ZNF600: variants seen among roughly 807,000 people sequenced by gnomAD.
ZNF600 encodes the protein zinc finger protein KR-ZNF1.
Under a neutral mutation model 7.3 loss-of-function variants are expected in ZNF600, and 4 were observed. The observed-to-expected ratio is 0.55, with a 90% confidence interval of 0.27 to 1.25. ZNF600 has a LOEUF of 1.25. Ranked by LOEUF, ZNF600 falls within the 50% of genes most tolerant of loss-of-function variation. The pLI is 0.12. For synonymous variants in ZNF600, 290 were observed against 308.9 expected (o/e 0.94, Z 0.64); for missense variants, 911 against 922.1 (o/e 0.99, Z 0.16).
the ZNF600 span, chr19:52,809,941 C>A: frequency 1.2e-6 from 1 of 854,580 alleles, no homozygotes; most frequent in Non-Finnish European, 1.9e-6. Context: ...GGGGAGGTTG[C>A]CCCGGGGGGC....
chr19:52,816,876 G>A, the ZNF600 span, among the ~76,000 whole-genome samples: 11 of 111,906 alleles, frequency 9.8e-5, no homozygotes, highest in East Asian at 2.5e-4. Flanking sequence ...ATAATAAAAC[G>A]TGGAATGAGA....
chr19:52,770,959 G>A lies in ZNF600; in HGVS notation c.191-3187C>T, dbSNP rs371438749. Among the ~76,000 whole-genome samples, 6 of 152,118 alleles carry A rather than the reference G, an allele frequency of 3.9e-5. No homozygotes were observed. In the South Asian group the frequency reaches 8.3e-4, roughly 21 times the overall value. On this transcript the variant is annotated intron_variant, in intron 3 of 3. Coordinates refer to ENST00000648973, the Ensembl canonical transcript of ZNF600. ...AGCGATTCTCCTGCCTCAGCCACCC[G>A]AGTAGCTGGGATTACAGGCATGTGC...
chr19:52,799,019 T>C, the ZNF600 span: 2 of 747,054 alleles, frequency 2.7e-6, no homozygotes, highest in Middle Eastern at 5.5e-4. Flanking sequence ...CTTACATTTG[T>C]ATGTTTTTTC....
intron 1 of ZNF600, among the ~76,000 whole-genome samples, chr19:52,779,363 T>TA: frequency 6.6e-6 from 1 of 152,326 alleles, no homozygotes; most frequent in African/African-American, 2.4e-5. Flanking sequence ...GAATCCCTGC[T>TA]AAAGCAGCAC....
At chr19:52,782,394 G>A (rs776788405) in intron 1 of ZNF600, among the ~76,000 whole-genome samples, 59 of 150,226 alleles carry the variant, frequency 3.9e-4, no homozygotes, top group Admixed American at 8.0e-4. Context: ...ATGGTGGTGC[G>A]TGCCTGTAAT....
At chr19:52,787,023 A>T (rs1038064415), upstream of ZNF600, among the ~76,000 whole-genome samples, 8 of 152,256 alleles carry the variant, frequency 5.3e-5, no homozygotes, top group Admixed American at 4.6e-4. Flanking sequence ...TGCAAACTAG[A>T]ATGTGAAATG....
At chr19:52,783,462 T>C (rs1053860780) in intron 1 of ZNF600, among the ~76,000 whole-genome samples, 9 of 151,222 alleles carry the variant, frequency 6.0e-5, no homozygotes, top group Non-Finnish European at 8.9e-5. Context: ...CCCGGGTTCA[T>C]GTCATTCTCC....
At chr19:52,785,148 A>G (rs907732498) in intron 1 of ZNF600, among the ~76,000 whole-genome samples, 3 of 149,454 alleles carry the variant, frequency 2.0e-5, no homozygotes, top group South Asian at 2.1e-4. Context: ...TGTGCTCCTC[A>G]TTTTGTACCC....
At chr19:52,781,224 AC>A (rs527938894) in intron 1 of ZNF600, 92 bp downstream of exon 2, 68 of 150,842 alleles carry the variant, frequency 4.5e-4, no homozygotes, top group African/African-American at 1.5e-3. Flanking sequence ...ACTGAGCACT[AC>A]CCTCTCCCAG....
At chr19:52,832,761 TTC>T in the ZNF600 span, among the ~76,000 whole-genome samples, 52 of 151,852 alleles carry the variant, frequency 3.4e-4, no homozygotes, top group Non-Finnish European at 2.1e-4. Context: ...GAGCGACATT[TTC>T]TCTCTCTCTC....
the ZNF600 span, among the ~76,000 whole-genome samples, chr19:52,819,333 A>G: frequency 1.4e-5 from 2 of 144,114 alleles, no homozygotes; most frequent in African/African-American, 2.7e-5. Flanking sequence ...ATTCTAATAC[A>G]GACAAAGTCC....
the ZNF600 span, chr19:52,799,924 C>T: frequency 3.1e-6 from 5 of 1,613,874 alleles, no homozygotes; most frequent in Non-Finnish European, 3.4e-6. Context: ...AAGGTCTTGC[C>T]ACACTCATTA....
At chr19:52,780,631 GGAA>G (rs1433617324) in intron 1 of ZNF600, 12 of 152,104 alleles carry the variant, frequency 7.9e-5, no homozygotes, top group African/African-American at 2.2e-4. Flanking sequence ...GGGAGTCTGA[GGAA>G]GGAGAATCCC....
chr19:52,787,390 T>G (rs934149985), upstream of ZNF600, among the ~76,000 whole-genome samples: 13 of 146,742 alleles, frequency 8.9e-5, no homozygotes, highest in African/African-American at 3.3e-4. Context: ...GATCTCTCTC[T>G]CGCTCTTTTA....
At chr19:52,800,127 T>C in the ZNF600 span, 1 of 1,614,104 alleles carries the variant, frequency 6.2e-7, no homozygotes, top group Non-Finnish European at 8.5e-7. Flanking sequence ...CTCTCCAGTA[T>C]GAATCCTCCT....
chr19:52,815,575 A>C, the ZNF600 span, among the ~76,000 whole-genome samples: 5 of 146,840 alleles, frequency 3.4e-5, 1 homozygote, highest in Non-Finnish European at 7.4e-5. Flanking sequence ...CTGTAATCCC[A>C]GCACTTTGGG....
At chr19:52,771,764 C>T (rs1260827433) in intron 3 of ZNF600, among the ~76,000 whole-genome samples, 4 of 152,162 alleles carry the variant, frequency 2.6e-5, no homozygotes, top group Non-Finnish European at 5.9e-5. Flanking sequence ...AGTCGTGAGC[C>T]ATCACGCCCG....
At chr19:52,776,079 C>CCCTGTGCTATA (rs2062672832) in intron 2 of ZNF600, among the ~76,000 whole-genome samples, 1 of 107,036 alleles carries the variant, frequency 9.3e-6, no homozygotes, top group African/African-American at 4.2e-5. Context: ...TGAATGCTTC[C>CCCTGTGCTATA]CACTGTTCTA....
In ZNF600 at chr19:52,765,937, C is replaced by G. The variant is rs776175562; in HGVS notation, c.2026G>C (p.Glu676Gln). The G allele has an allele frequency of 6.8e-6, 11 of 1,614,070 alleles. No homozygotes were observed. In the African/African-American group the frequency reaches 1.5e-4, roughly 22 times the overall value. ...CATTCATTACACTTGTAAGGTTTCT[C>G]TGCAGTGTGAATTCTGGTATGTCTT... The change falls in exon 4 of 4, where the codon GAG (glutamate) becomes CAG (glutamine). Residue 676 changes from glutamate to glutamine, a missense_variant. Glu to Gln is a conservative substitution (Grantham distance 29). Coordinates refer to ENST00000648973, the Ensembl canonical transcript of ZNF600.
Sources: allele counts gnomAD v4.1 joint callset (sites outside exome capture counted in the v4.1 genomes callset), GRCh38; gene constraint gnomAD v4.1.1; transcripts MANE v1.5; gene names NCBI Gene and HGNC (gene_info 2026-07-23, HGNC 2026-07-21).